Variants in PTPRN2 observed in about 807,000 individuals in gnomAD.
PTPRN2 encodes the protein protein tyrosine phosphatase receptor type N2, also known as receptor-type tyrosine-protein phosphatase N2.
PTPRN2 carries 74 observed loss-of-function variants against 118.8 expected under a neutral mutation model. The observed-to-expected ratio is 0.62, with a 90% CI of 0.52 to 0.76. The LOEUF is 0.76. Ranked by LOEUF, PTPRN2 falls within the 30% of genes least tolerant of loss-of-function variation. PTPRN2 has a pLI of 0.00. For missense variants in PTPRN2, 1,481 were observed against 1,394.4 expected, an observed-to-expected ratio of 1.06 and a Z score of -0.99; for synonymous variants, 641 against 608.0, an observed-to-expected ratio of 1.05 and a Z score of -0.80.
chr7:157,825,970 G>A (rs146432479), intron 12 of PTPRN2, among the ~76,000 whole-genome samples: 11 of 152,298 alleles, frequency 7.2e-5, no homozygotes, highest in African/African-American at 1.7e-4. Flanking sequence ...TTGGAGAAGC[G>A]CAAGTGCTTT....
chr7:157,821,193 G>A (rs1806817725), intron 12 of PTPRN2, among the ~76,000 whole-genome samples: 1 of 152,270 alleles, frequency 6.6e-6, no homozygotes, highest in Non-Finnish European at 1.5e-5. Flanking sequence ...CAACTCACCT[G>A]TGAACAGTGC....
At chr7:158,190,469 G>T (rs537906256) in intron 5 of PTPRN2, among the ~76,000 whole-genome samples, 155 of 152,350 alleles carry the variant, frequency 1.0e-3, no homozygotes, top group African/African-American at 3.6e-3. Flanking sequence ...CTCCTGGAAG[G>T]CTTTGGGGCA....
rs968170059 is a variant in PTPRN2 at position 157,963,205 on chromosome 7, G to A, written c.1724-64468C>T. Among the ~76,000 whole-genome samples, 3 of 152,272 alleles carry A rather than the reference G, an allele frequency of 2.0e-5. No homozygotes were observed. The East Asian group carries it at 5.8e-4, about 29-fold the overall frequency. On this transcript the variant is annotated intron_variant, in intron 11 of 22. Coordinates refer to ENST00000389418, the MANE Select transcript of PTPRN2 (RefSeq NM_002847.5). The stretch of plus-strand genomic sequence containing the variant: ...GGCCTCAGGTGGACCTGCAGTCAGA[G>A]ACAGTCCCTCCCTTCTGCGGCATCC...
intron 3 of PTPRN2, among the ~76,000 whole-genome samples, chr7:158,302,537 A>C (rs1800972724): frequency 6.6e-6 from 1 of 152,220 alleles, no homozygotes; most frequent in Admixed American, 6.5e-5. Context: ...CCAGTCACCG[A>C]CTGCATGCAA....
intron 11 of PTPRN2, among the ~76,000 whole-genome samples, chr7:157,981,591 T>G (rs57690636): frequency 0.37 from 55,463 of 149,860 alleles, 10,398 homozygotes; most frequent in East Asian, 0.57. Flanking sequence ...CATTTTTTTT[T>G]GTAGTAATTC....
intron 14 of PTPRN2, among the ~76,000 whole-genome samples, chr7:157,652,163 G>C (rs1805705546): frequency 6.6e-6 from 1 of 152,264 alleles, no homozygotes; most frequent in South Asian, 2.1e-4. Flanking sequence ...TCAAAGCCCA[G>C]AGACAGGGAT....
chr7:157,922,461 AAATTGGAATTGAATTGAAAATTATGCAG>A (rs1287968393), intron 11 of PTPRN2, among the ~76,000 whole-genome samples: 4 of 152,236 alleles, frequency 2.6e-5, no homozygotes, highest in Non-Finnish European at 5.9e-5. Flanking sequence ...AATTGCACTG[AAATTGGAATTGAATTGAAAATTATGCAG>A]AATTGGAATT....
chr7:158,163,560 G>A lies in PTPRN2; in HGVS notation c.910+3371C>T, dbSNP rs529116032. On this transcript the variant is annotated intron_variant, in intron 6 of 22. Coordinates refer to ENST00000389418, the MANE Select transcript of PTPRN2 (RefSeq NM_002847.5). Reference sequence around the variant, plus strand: ...ATTCTCTGTGTATTTCATAGGTGACGCCTGTACGGGGTTCTCAATATTCTC... The same window carrying A: ...ATTCTCTGTGTATTTCATAGGTGACACCTGTACGGGGTTCTCAATATTCTC... Among the ~76,000 whole-genome samples, 30 of 150,444 alleles carry A rather than the reference G, an allele frequency of 2.0e-4. No homozygotes were observed. The South Asian group carries it at 5.3e-3, about 27-fold the overall frequency.
At chr7:158,265,568 A>AT (rs1347004242) in intron 3 of PTPRN2, among the ~76,000 whole-genome samples, 2 of 152,014 alleles carry the variant, frequency 1.3e-5, no homozygotes, top group Non-Finnish European at 2.9e-5. Flanking sequence ...CCCTCTGCAC[A>AT]TTTCTGTTTG....
rs1829058443 is a variant in PTPRN2, at chr7:158,587,639, G to A, written c.31C>T (p.Leu11=). MGPPLPLLLL[L]LLLLPPRVLP... ...ACGCGTGGCGGCAGCAGCAGCAGTA[G>A]CAGCAGCAGCAGCGGGAGCGGCGGC... is the stretch of plus-strand genomic sequence containing the variant. The change falls in exon 1 of 23, where the codon CTA becomes TTA. Residue 11 remains leucine (L), a synonymous_variant. Transcript: ENST00000389418. 7.4e-7 allele frequency: 1 copy of A among 1,342,712 alleles called. No homozygotes were observed. Among genetic ancestry groups the A allele is most frequent in the Non-Finnish European group, 9.5e-7 (1 of 1,048,408 alleles). The allele number at this position is 1,342,712 out of a possible 1,614,324, so 83.2% of individuals were successfully genotyped here.
At chr7:158,161,856 T>G (rs1322785286) in intron 6 of PTPRN2, among the ~76,000 whole-genome samples, 1 of 144,452 alleles carries the variant, frequency 6.9e-6, no homozygotes, top group Non-Finnish European at 1.5e-5. Flanking sequence ...AGGACCAATA[T>G]CTAAAATATT....
At chr7:157,850,079 T>G (rs1347237061) in intron 12 of PTPRN2, among the ~76,000 whole-genome samples, 1 of 152,236 alleles carries the variant, frequency 6.6e-6, no homozygotes, top group Non-Finnish European at 1.5e-5. Flanking sequence ...CCAGATAAAA[T>G]TTGCTTGAAA....
intron 2 of PTPRN2, among the ~76,000 whole-genome samples, chr7:158,324,883 C>T (rs12698208): frequency 0.42 from 64,368 of 151,834 alleles, 14,066 homozygotes; most frequent in African/African-American, 0.51. Flanking sequence ...TTAGGTGATA[C>T]GCCCAGGCCT....
chr7:158,221,621 A>C (rs1828376900), intron 3 of PTPRN2, among the ~76,000 whole-genome samples: 1 of 151,280 alleles, frequency 6.6e-6, no homozygotes, highest in Non-Finnish European at 1.5e-5. Context: ...GGCAGCAGGC[A>C]AAAGAGAGAA....
intron 2 of PTPRN2, among the ~76,000 whole-genome samples, chr7:158,323,174 C>T (rs1033536833): frequency 2.0e-5 from 3 of 152,198 alleles, no homozygotes; most frequent in Non-Finnish European, 2.9e-5. Flanking sequence ...ACATGGAAGG[C>T]GTCCCCCGAC....
intron 17 of PTPRN2, among the ~76,000 whole-genome samples, chr7:157,578,543 G>A (rs1364242475): frequency 6.6e-6 from 1 of 152,170 alleles, no homozygotes; most frequent in East Asian, 1.9e-4. Context: ...GTTTTGCTTC[G>A]TGAAGCTGCT....
At chr7:158,474,310 G>A (rs1376498773) in intron 2 of PTPRN2, among the ~76,000 whole-genome samples, 8 of 152,240 alleles carry the variant, frequency 5.3e-5, no homozygotes, top group South Asian at 2.1e-4. Context: ...AAAACACTGC[G>A]TGTAACTGGC....
intron 14 of PTPRN2, among the ~76,000 whole-genome samples, chr7:157,647,012 ACT>A (rs1805145138): frequency 1.5e-5 from 2 of 137,438 alleles, no homozygotes; most frequent in Non-Finnish European, 3.1e-5. Context: ...GGACCCATTC[ACT>A]GTGCACTGAA....
chr7:158,285,665 A>G (rs1799720674), intron 3 of PTPRN2, among the ~76,000 whole-genome samples: 1 of 152,222 alleles, frequency 6.6e-6, no homozygotes, highest in African/African-American at 2.4e-5. Context: ...GTAAGAGGCC[A>G]GGTGTGAAGA....
Sources: allele counts gnomAD v4.1 joint callset (sites outside exome capture counted in the v4.1 genomes callset), GRCh38; gene constraint gnomAD v4.1.1; transcripts MANE v1.5; gene names NCBI Gene and HGNC (gene_info 2026-07-23, HGNC 2026-07-21).